GALNT14: variants seen among roughly 807,000 people sequenced by gnomAD.
GALNT14 encodes polypeptide N-acetylgalactosaminyltransferase 14.
A neutral mutation model predicts 77.5 loss-of-function variants in GALNT14; 60 were observed. That is an observed-to-expected ratio of 0.77 (90% CI 0.63 to 0.96). The LOEUF (loss-of-function observed/expected upper bound fraction) is 0.96. GALNT14 is among the 40% of genes least tolerant of loss of function. The pLI is 0.00. For synonymous variants in GALNT14, 280 were observed against 281.7 expected (o/e 0.99, Z 0.06); for missense variants, 710 against 731.0 (o/e 0.97, Z 0.33).
At chr2:30,986,713 C>T (rs1331465518) in intron 2 of GALNT14, among the ~76,000 whole-genome samples, 1 of 152,220 alleles carries the variant, frequency 6.6e-6, no homozygotes. Flanking sequence ...CTCACCCCAG[C>T]TGGAAGTTGT....
At chr2:30,931,840 C>T (rs1183807072) in intron 10 of GALNT14, among the ~76,000 whole-genome samples, 1 of 152,052 alleles carries the variant, frequency 6.6e-6, no homozygotes, top group African/African-American at 2.4e-5. Flanking sequence ...GTGGGGCCTT[C>T]CGAAGCCTCA....
chr2:31,095,406 G>A (rs1275616096), intron 1 of GALNT14, among the ~76,000 whole-genome samples: 2 of 151,966 alleles, frequency 1.3e-5, no homozygotes, highest in Non-Finnish European at 2.9e-5. Context: ...AGTAATAACT[G>A]GACACACAAG....
At chr2:30,950,323 G>A (rs1666953280) in intron 6 of GALNT14, among the ~76,000 whole-genome samples, 1 of 151,998 alleles carries the variant, frequency 6.6e-6, no homozygotes, top group Non-Finnish European at 1.5e-5. Context: ...GTATCATCAT[G>A]TAATTGAAAG....
chr2:31,137,968 T>A lies in GALNT14; in HGVS notation c.119A>T (p.Gln40Leu). The change falls in exon 1 of 15, where the codon CAG (glutamine) becomes CTG (leucine). Residue 40 changes from glutamine to leucine, a missense_variant. By Grantham distance (113) the Gln-to-Leu change is moderately radical. Transcript: ENST00000349752. The part of the protein sequence containing the change: ...KLEVPTGPEV[Q>L]TPKPSDADWD... ...CGGCAAGCCGCCTACCTTAGGGGTC[T>A]GCACTTCAGGTCCCGTCGGCACCTC... 6.2e-7 allele frequency: 1 copy of A among 1,613,108 alleles called. No individual in the cohort carries two copies. The highest frequency in any genetic ancestry group is 8.5e-7 in the Non-Finnish European group (1 of 1,179,472).
intron 1 of GALNT14, among the ~76,000 whole-genome samples, chr2:31,119,508 T>C (rs188436659): frequency 3.6e-4 from 55 of 152,274 alleles, no homozygotes; most frequent in African/African-American, 1.3e-3. Context: ...TACAATTGGA[T>C]CCCGTTTCAT....
At chr2:31,069,783 C>T (rs577801367) in intron 1 of GALNT14, among the ~76,000 whole-genome samples, 1 of 152,252 alleles carries the variant, frequency 6.6e-6, no homozygotes, top group South Asian at 2.1e-4. Context: ...GATGGATTTC[C>T]TTTTAAATGA....
chr2:30,946,805 C>A (rs1171346841), intron 6 of GALNT14, among the ~76,000 whole-genome samples: 1 of 152,142 alleles, frequency 6.6e-6, no homozygotes, highest in Non-Finnish European at 1.5e-5. Flanking sequence ...AGAGTCCTAA[C>A]TTTAATTGTC....
chr2:31,072,886 T>A (rs777029894), intron 1 of GALNT14, among the ~76,000 whole-genome samples: 25 of 152,202 alleles, frequency 1.6e-4, no homozygotes, highest in Non-Finnish European at 2.9e-4. Flanking sequence ...CCTGCATTTT[T>A]TACACATAAT....
chr2:31,029,579 A>G (rs1217205293), intron 1 of GALNT14, among the ~76,000 whole-genome samples: 2 of 152,352 alleles, frequency 1.3e-5, no homozygotes, highest in Admixed American at 6.5e-5. Context: ...CGCACAGGTC[A>G]CAACCTTTAA....
At chr2:31,058,481 C>T (rs1201259399) in intron 1 of GALNT14, among the ~76,000 whole-genome samples, 6 of 152,094 alleles carry the variant, frequency 3.9e-5, no homozygotes, top group Non-Finnish European at 5.9e-5. Flanking sequence ...TCATCAGGGT[C>T]AGAATCATCT....
At chr2:31,130,849 A>AG (rs1678961778) in intron 1 of GALNT14, among the ~76,000 whole-genome samples, 1 of 151,488 alleles carries the variant, frequency 6.6e-6, no homozygotes, top group Non-Finnish European at 1.5e-5. Context: ...GGTATCCCAA[A>AG]GGGGTTCTTT....
chr2:30,891,759 T>C, the GALNT14 span, among the ~76,000 whole-genome samples: 1 of 152,162 alleles, frequency 6.6e-6, no homozygotes, highest in East Asian at 1.9e-4. Flanking sequence ...TCTTCCTGCA[T>C]TATGAGAGAA....
intron 1 of GALNT14, among the ~76,000 whole-genome samples, chr2:31,106,307 A>AT (rs1043166208): frequency 6.6e-6 from 1 of 151,952 alleles, no homozygotes; most frequent in Non-Finnish European, 1.5e-5. Context: ...TATGTCTGTT[A>AT]TTTTTTGTTT....
At chr2:30,905,145 G>C in the GALNT14 span, among the ~76,000 whole-genome samples, 1 of 152,006 alleles carries the variant, frequency 6.6e-6, no homozygotes, top group Non-Finnish European at 1.5e-5. Context: ...ACTCTAAAAA[G>C]CAGAGCGCCT....
At chr2:31,002,549 C>G (rs1670428899) in intron 1 of GALNT14, among the ~76,000 whole-genome samples, 1 of 152,206 alleles carries the variant, frequency 6.6e-6, no homozygotes, top group South Asian at 2.1e-4. Flanking sequence ...TCCCCACTGT[C>G]AGCTAGTCAT....
chr2:31,054,002 A>G (rs1421348203), intron 1 of GALNT14, among the ~76,000 whole-genome samples: 1 of 152,228 alleles, frequency 6.6e-6, no homozygotes, highest in East Asian at 1.9e-4. Flanking sequence ...AAATCCACAC[A>G]GTTCATTCAT....
At chr2:31,054,667 A>C (rs1046488753) in intron 1 of GALNT14, among the ~76,000 whole-genome samples, 1 of 152,156 alleles carries the variant, frequency 6.6e-6, no homozygotes, top group Non-Finnish European at 1.5e-5. Context: ...AGCTATTTTC[A>C]ATATATTCCA....
At chr2:30,925,819 A>G (rs1665337337) in intron 11 of GALNT14, among the ~76,000 whole-genome samples, 2 of 152,168 alleles carry the variant, frequency 1.3e-5, no homozygotes, top group East Asian at 1.9e-4. Context: ...CTTTGAGAGC[A>G]TTTCAGTGCT....
chr2:30,966,115 C>CTA (rs1309553271), intron 3 of GALNT14, 89 bp downstream of exon 3: 92 of 930,776 alleles, frequency 9.9e-5, no homozygotes, highest in Non-Finnish European at 1.5e-4. Context: ...TCTGGTGCTC[C>CTA]TAGTACAGCG....
Sources: gnomAD v4.1 joint callset for allele counts (sites outside exome capture counted in the v4.1 genomes callset) on GRCh38, gnomAD v4.1.1 for gene constraint, MANE v1.5 for transcripts, NCBI Gene and HGNC (gene_info 2026-07-23, HGNC 2026-07-21) for gene names.